EFCAB13: variants seen among roughly 807,000 people sequenced by gnomAD.
EFCAB13 encodes the protein EF-hand calcium binding domain 13.
EFCAB13 carries 91 observed loss-of-function variants against 110.2 expected under a neutral mutation model. The observed-to-expected ratio is 0.83, with a 90% CI of 0.70 to 0.98. The LOEUF is 0.98. EFCAB13 is among the 50% of genes least tolerant of loss of function. The probability of loss-of-function intolerance (pLI) is 0.00; values close to 1 mark genes in which losing one functional copy is unlikely to be tolerated. For missense variants in EFCAB13, 968 were observed against 1,119.4 expected, an observed-to-expected ratio of 0.86 and a Z score of 1.93; for synonymous variants, 323 against 369.9, an observed-to-expected ratio of 0.87 and a Z score of 1.45.
chr17:47,326,707 A>G (rs7219255), intron 3 of EFCAB13, among the ~76,000 whole-genome samples: 10 of 152,200 alleles, frequency 6.6e-5, no homozygotes, highest in African/African-American at 2.4e-4. Context: ...TAAATATTGA[A>G]CTGGTTGGAG....
chr17:47,339,094 T>G (rs1035859499), intron 5 of EFCAB13, among the ~76,000 whole-genome samples: 1 of 152,318 alleles, frequency 6.6e-6, no homozygotes, highest in East Asian at 1.9e-4. Flanking sequence ...GTCACAGTTT[T>G]GCTTAGGGCT....
chr17:47,401,433 A>G (rs2065778067), intron 17 of EFCAB13, among the ~76,000 whole-genome samples: 1 of 152,216 alleles, frequency 6.6e-6, no homozygotes, highest in Non-Finnish European at 1.5e-5. Flanking sequence ...AACACATATC[A>G]GAAATTGTAG....
At chr17:47,402,864 T>C (rs1297532938) in intron 18 of EFCAB13, among the ~76,000 whole-genome samples, 1 of 152,108 alleles carries the variant, frequency 6.6e-6, no homozygotes, top group Non-Finnish European at 1.5e-5. Context: ...TAAGGTTTGA[T>C]TGAAGGTGGA....
chr17:47,435,979 G>A (rs1013206323), intron 24 of EFCAB13, among the ~76,000 whole-genome samples: 1 of 152,074 alleles, frequency 6.6e-6, no homozygotes, highest in African/African-American at 2.4e-5. Context: ...ATTTTGCTGA[G>A]GGTTTTAATC....
intron 8 of EFCAB13, 59 bp from the exon 9 acceptor site, chr17:47,347,749 G>A (rs7206971): frequency 0.47 from 588,589 of 1,242,976 alleles, 141,622 homozygotes; most frequent in Non-Finnish European, 0.49. Context: ...AGAGTGGGGG[G>A]AATAAGGATA....
intron 23 of EFCAB13, among the ~76,000 whole-genome samples, chr17:47,420,959 C>T (rs1411910186): frequency 1.3e-5 from 2 of 151,410 alleles, no homozygotes; most frequent in African/African-American, 4.8e-5. Context: ...GCCCCTCTGC[C>T]CAGCCAGCCG....
At chr17:47,327,923 G>C (rs2065296594) in intron 3 of EFCAB13, 2 of 237,476 alleles carry the variant, frequency 8.4e-6, no homozygotes, top group Non-Finnish European at 1.6e-5. Flanking sequence ...ATGATATTTA[G>C]CACACAGTAA....
intron 8 of EFCAB13, among the ~76,000 whole-genome samples, chr17:47,346,094 T>A (rs1004845220): frequency 1.3e-5 from 2 of 152,196 alleles, no homozygotes; most frequent in Non-Finnish European, 2.9e-5. Context: ...TAACAGATTT[T>A]AAAAATGTAA....
intron 24 of EFCAB13, among the ~76,000 whole-genome samples, chr17:47,438,993 C>T (rs1372008203): frequency 6.6e-6 from 1 of 151,966 alleles, no homozygotes; most frequent in Non-Finnish European, 1.5e-5. Context: ...TTTATCTCCC[C>T]AGAGGTTAAG....
At chr17:47,381,358 T>G (rs1462834446) in intron 14 of EFCAB13, among the ~76,000 whole-genome samples, 12 of 152,186 alleles carry the variant, frequency 7.9e-5, no homozygotes. Context: ...TTAGTTTAAT[T>G]AGATCCCATT....
At chr17:47,325,928 A>ATATATATG (rs2065281330) in intron 2 of EFCAB13, among the ~76,000 whole-genome samples, 1 of 32,076 alleles carries the variant, frequency 3.1e-5, no homozygotes, top group South Asian at 8.0e-4. Context: ...AACAAAATAT[A>ATATATATG]TATATATATA....
At chr17:47,348,117 A>G (rs1187938732) in intron 9 of EFCAB13, among the ~76,000 whole-genome samples, 166 bp downstream of exon 9, 1 of 151,816 alleles carries the variant, frequency 6.6e-6, no homozygotes, top group Non-Finnish European at 1.5e-5. Flanking sequence ...CAAGAACATT[A>G]CTTACAATAA....
chr17:47,351,304 T>TGTGTGTGTGTGTGTGCGCGCGC (rs1280645583), intron 9 of EFCAB13, among the ~76,000 whole-genome samples: 3 of 122,980 alleles, frequency 2.4e-5, no homozygotes, highest in Non-Finnish European at 5.6e-5. Flanking sequence ...TGTGTGTGTG[T>TGTGTGTGTGTGTGTGCGCGCGC]GCGCGCGCGC....
At chr17:47,418,897 C>G (rs1452838316) in intron 23 of EFCAB13, among the ~76,000 whole-genome samples, 1 of 152,098 alleles carries the variant, frequency 6.6e-6, no homozygotes, top group African/African-American at 2.4e-5. Context: ...AATTCTATTC[C>G]TTTTATATTT....
intron 18 of EFCAB13, 48 bp downstream of exon 18, chr17:47,402,251 G>A: frequency 6.5e-7 from 1 of 1,549,494 alleles, no homozygotes; most frequent in Non-Finnish European, 8.9e-7. Flanking sequence ...TTATTGAAAG[G>A]ACTTGCTTTT....
At position 47,367,665 on chromosome 17, in the gene EFCAB13, A is replaced by G. The variant is rs565287722; in HGVS notation, c.806-2772A>G. Among the ~76,000 whole-genome samples, 4 of 152,352 alleles carry G rather than the reference A, an allele frequency of 2.6e-5. No individual in the cohort carries two copies. The South Asian group carries it at 6.2e-4, about 24-fold the overall frequency. ...CAAGAACACCCACTACGTTTCTGGA[A>G]TGAGCTTGAAGAAGCCTGACAGGTA... is the stretch of plus-strand genomic sequence containing the variant. On this transcript the variant is annotated intron_variant, in intron 10 of 24. Transcript: ENST00000331493.
At chr17:47,371,483 A>G (rs1335522618) in intron 11 of EFCAB13, among the ~76,000 whole-genome samples, 1 of 152,158 alleles carries the variant, frequency 6.6e-6, no homozygotes, top group Non-Finnish European at 1.5e-5. Context: ...TGAAGAGGGT[A>G]TCCTTTCCTC....
At position 47,374,953 on chromosome 17, in the gene EFCAB13, A is replaced by G; in HGVS notation, c.1359A>G (p.Ala453=). The change falls in exon 12 of 25, where the codon GCA becomes GCG. Residue 453 remains alanine (A), a synonymous_variant. Coordinates refer to ENST00000331493, the MANE Select transcript of EFCAB13 (RefSeq NM_152347.5). The part of the protein sequence containing the change: ...QKQVSSTEKT[A]ISTLENFCEA... ...AGGTTTCGTCTACGGAAAAAACTGC[A>G]ATTAGTACTCTGGGTAAGTAAAAAT... The G allele has an allele frequency of 6.4e-7, 1 of 1,573,926 alleles. No individual in the cohort carries two copies. Among genetic ancestry groups the G allele is most frequent in the Non-Finnish European group, 8.6e-7 (1 of 1,166,582 alleles).
At chr17:47,399,006 C>A (rs1002215156) in intron 17 of EFCAB13, among the ~76,000 whole-genome samples, 1 of 152,176 alleles carries the variant, frequency 6.6e-6, no homozygotes, top group African/African-American at 2.4e-5. Context: ...TCACTGCAAC[C>A]TCTGCCTCCC....
Sources: allele counts gnomAD v4.1 joint callset (sites outside exome capture counted in the v4.1 genomes callset), GRCh38; gene constraint gnomAD v4.1.1; transcripts MANE v1.5; gene names NCBI Gene and HGNC (gene_info 2026-07-23, HGNC 2026-07-21).